The following GOLGA5 variants were observed in gnomAD, a reference collection of about 807,000 sequenced individuals.
The protein encoded by GOLGA5 is golgin A5.
GOLGA5 carries 50 observed loss-of-function variants against 93.5 expected under a neutral mutation model. The ratio of observed to expected loss-of-function variants is 0.53; its 90% CI spans 0.43 to 0.68. The LOEUF (loss-of-function observed/expected upper bound fraction) is 0.68, where lower values mean the gene tolerates loss of function less well. Ranked by LOEUF, GOLGA5 falls within the 30% of genes least tolerant of loss-of-function variation. The pLI, the probability that GOLGA5 is intolerant of heterozygous loss-of-function variation, is 0.00. For synonymous variants in GOLGA5, 312 were observed against 304.5 expected (o/e 1.02, Z -0.26); for missense variants, 760 against 856.4 (o/e 0.89, Z 1.40).
In GOLGA5 at chr14:92,833,144, A is replaced by G; in HGVS notation, c.1742A>G (p.Asn581Ser). 1.9e-6 allele frequency: 3 copies of G among 1,598,000 alleles called. No individual in the cohort carries two copies. Among genetic ancestry groups the G allele is most frequent in the Non-Finnish European group, 2.6e-6 (3 of 1,165,336 alleles). ...CAGCTTACCAATAAAACTTTAAGCA[A>G]TAGCAGTCAGTCTGAGTTAGAAAAT... ...RNQLTNKTLS[N>S]SSQSELENRL... The change falls in exon 10 of 13, where the codon AAT (asparagine) becomes AGT (serine). Residue 581 changes from asparagine (N) to serine (S), a missense_variant. Physicochemically the swap from Asn to Ser is conservative, Grantham distance 46. Transcript: ENST00000163416.
intron 6 of GOLGA5, among the ~76,000 whole-genome samples, chr14:92,814,898 G>C (rs1885172250): frequency 2.0e-5 from 3 of 151,924 alleles, no homozygotes. Flanking sequence ...GCTACCTGTA[G>C]TCTCCATCAC....
At chr14:92,808,404 A>G (rs926274345) in intron 3 of GOLGA5, among the ~76,000 whole-genome samples, 4 of 152,214 alleles carry the variant, frequency 2.6e-5, no homozygotes, top group Admixed American at 6.5e-5. Flanking sequence ...GAAGGCTGAG[A>G]TGGGAAAATT....
At chr14:92,825,122 T>C (rs146237137) in intron 9 of GOLGA5, among the ~76,000 whole-genome samples, 32 of 152,322 alleles carry the variant, frequency 2.1e-4, no homozygotes, top group Admixed American at 1.0e-3. Flanking sequence ...TATCATTAGC[T>C]GATAGAGTCA....
At chr14:92,808,698 C>T (rs1401040333) in intron 3 of GOLGA5, among the ~76,000 whole-genome samples, 1 of 17,826 alleles carries the variant, frequency 5.6e-5, no homozygotes, top group Non-Finnish European at 9.8e-5. Context: ...GTGTGTCTCA[C>T]TGGAAAAAAA....
chr14:92,810,326 T>C lies in GOLGA5; in HGVS notation c.1065T>C (p.His355=). The change falls in exon 5 of 13, where the codon CAT becomes CAC. Residue 355 remains histidine (H), a synonymous_variant. Coordinates refer to ENST00000163416, the MANE Select transcript of GOLGA5 (RefSeq NM_005113.4). The part of the protein sequence containing the change: ...QALQTFQERL[H]EADATLKREQ... ...TGCAGACTTTTCAGGAGAGACTGCATGAAGCGGATGCCACTCTGAAGAGAG... is the reference window on the plus strand; with the variant it reads ...TGCAGACTTTTCAGGAGAGACTGCACGAAGCGGATGCCACTCTGAAGAGAG... The C allele has an allele frequency of 6.2e-7, 1 of 1,607,692 alleles. No homozygotes were observed. The highest frequency in any genetic ancestry group is 8.5e-7 in the Non-Finnish European group (1 of 1,175,792).
chr14:92,827,149 G>T (rs1464558908), intron 9 of GOLGA5, among the ~76,000 whole-genome samples: 2 of 152,130 alleles, frequency 1.3e-5, no homozygotes, highest in Non-Finnish European at 2.9e-5. Flanking sequence ...GACTTGAATA[G>T]ACCCTTCCAA....
In GOLGA5 at chr14:92,837,391, G is replaced by T. The variant is rs769812805; in HGVS notation, c.2057G>T (p.Arg686Leu). 6.5e-7 allele frequency: 1 copy of T among 1,526,872 alleles called. No homozygotes were observed. The highest frequency in any genetic ancestry group is 1.7e-5 in the Admixed American group (1 of 59,636). 94.6% of individuals were successfully genotyped at this position (1,526,872 alleles called of 1,614,324 possible). ...AASSIDQFSI[R>L]LGIFLRRYPI... ...TCACACCTGTGTCTGCACAGTATTC[G>T]CCTGGGAATTTTTCTCCGAAGATAC... is the stretch of plus-strand genomic sequence containing the variant. Residue 686 changes from arginine (R) to leucine (L), a missense_variant, in exon 12 of 13, where the codon CGC becomes CTC. Physicochemically the swap from Arg to Leu is moderately radical, Grantham distance 102. Transcript: ENST00000163416.
At chr14:92,800,403 C>T (rs1566952278) in intron 2 of GOLGA5, among the ~76,000 whole-genome samples, 2 of 152,098 alleles carry the variant, frequency 1.3e-5, no homozygotes. Flanking sequence ...AGAACAGACT[C>T]TAAGAGGCTA....
intron 9 of GOLGA5, among the ~76,000 whole-genome samples, chr14:92,830,680 G>A (rs1437084622): frequency 1.3e-5 from 2 of 152,060 alleles, no homozygotes; most frequent in South Asian, 2.1e-4. Context: ...GCTCACTGCA[G>A]CCTTGACCTC....
At chr14:92,816,060 T>C (rs549886323) in intron 6 of GOLGA5, among the ~76,000 whole-genome samples, 191 bp from the exon 7 acceptor site, 6 of 152,328 alleles carry the variant, frequency 3.9e-5, no homozygotes, top group Admixed American at 3.9e-4. Flanking sequence ...ATTGTGGGGC[T>C]AAAGTCCAAG....
intron 9 of GOLGA5, among the ~76,000 whole-genome samples, chr14:92,831,355 C>G (rs1463866810): frequency 6.6e-6 from 1 of 152,172 alleles, no homozygotes; most frequent in Non-Finnish European, 1.5e-5. Flanking sequence ...ACCCAAATGT[C>G]CATCAGCAGG....
chr14:92,811,341 TC>T (rs1489370444), intron 5 of GOLGA5, among the ~76,000 whole-genome samples: 1 of 152,166 alleles, frequency 6.6e-6, no homozygotes, highest in Non-Finnish European at 1.5e-5. Flanking sequence ...TTAACAAACT[TC>T]CTGGTTGATT....
rs1195576226 is a variant in GOLGA5, at chr14:92,833,360, G to A, written c.1945+13G>A. On this transcript the variant is annotated intron_variant, in intron 10 of 12. Transcript: ENST00000163416. ...GACAATGGTGAAGGTAATCAAAAAA[G>A]GAATCTCAAAAGAACATTTCATTCA... 2 of 1,487,626 alleles carry A rather than the reference G, an allele frequency of 1.3e-6. No individual in the cohort carries two copies. The highest frequency in any genetic ancestry group is 1.9e-6 in the Non-Finnish European group (2 of 1,065,204). 92.2% of individuals were successfully genotyped at this position (1,487,626 alleles called of 1,614,324 possible). A position where few individuals can be genotyped will look rare whatever the true frequency, so the allele number is the denominator to read the frequency against.
chr14:92,839,214 C>G (rs1885709513), intron 12 of GOLGA5, 152 bp from the exon 13 acceptor site: 1 of 600,784 alleles, frequency 1.7e-6, no homozygotes, highest in East Asian at 2.8e-5. Context: ...TTCCATTGCA[C>G]TGAGCTCATT....
In GOLGA5 at chr14:92,816,554, T is replaced by A. The variant is rs1464564423; in HGVS notation, c.1491+133T>A. 4 of 668,112 alleles carry A rather than the reference T, an allele frequency of 6.0e-6. No homozygotes were observed. In the Admixed American group the frequency reaches 8.6e-5, roughly 14 times the overall value. The allele number at this position is 668,112 out of a possible 1,614,324, so 41.4% of individuals were successfully genotyped here. A position where few individuals can be genotyped will look rare whatever the true frequency, so the allele number is the denominator to read the frequency against. Reference sequence around the variant, plus strand: ...TTCGCTTCGCTTCGCTTCTCTTCTCTTCCTCCTCCTCTTCCTCTTCTCTTC... The same window carrying A: ...TTCGCTTCGCTTCGCTTCTCTTCTCATCCTCCTCCTCTTCCTCTTCTCTTC... On this transcript the variant is annotated intron_variant, in intron 7 of 12. Coordinates refer to ENST00000163416, the MANE Select transcript of GOLGA5 (RefSeq NM_005113.4).
rs527470205 is a variant in GOLGA5 at position 92,808,417 on chromosome 14, T to C, written c.773-883T>C. Among the ~76,000 whole-genome samples the C allele has an allele frequency of 1.9e-3, 285 of 152,322 alleles. 1 individual carries two copies. The highest frequency in any genetic ancestry group is 6.5e-3 in the African/African-American group (272 of 41,570). ...TGGAAGGCTGAGATGGGAAAATTGC[T>C]GAAGCCAGGAGTTCAATAACAGCAT... is the stretch of plus-strand genomic sequence containing the variant. On this transcript the variant is annotated intron_variant, in intron 3 of 12. Coordinates refer to ENST00000163416, the MANE Select transcript of GOLGA5 (RefSeq NM_005113.4).
intron 12 of GOLGA5, among the ~76,000 whole-genome samples, chr14:92,838,315 A>C (rs1653851111): frequency 6.6e-6 from 1 of 152,086 alleles, no homozygotes; most frequent in Non-Finnish European, 1.5e-5. Flanking sequence ...TTTAAAAAGA[A>C]ATTTCTCTGT....
intron 10 of GOLGA5, among the ~76,000 whole-genome samples, chr14:92,835,316 T>C (rs1483815831): frequency 6.6e-6 from 1 of 152,230 alleles, no homozygotes; most frequent in African/African-American, 2.4e-5. Context: ...ATTTGTAAAT[T>C]TCTTAATTTT....
intron 6 of GOLGA5, among the ~76,000 whole-genome samples, chr14:92,813,189 A>G (rs546546448): frequency 5.9e-5 from 9 of 152,206 alleles, no homozygotes; most frequent in Admixed American, 5.2e-4. Context: ...TCTTCTTTCT[A>G]AGTACTTTTT....
Sources: allele counts gnomAD v4.1 joint callset (sites outside exome capture counted in the v4.1 genomes callset), GRCh38; gene constraint gnomAD v4.1.1; transcripts MANE v1.5; gene names NCBI Gene and HGNC (gene_info 2026-07-23, HGNC 2026-07-21).